The following ZNF566 variants were observed in gnomAD, a reference collection of about 807,000 sequenced individuals.
The protein encoded by ZNF566 is zinc finger protein 566.
A neutral mutation model predicts 32.8 loss-of-function variants in ZNF566; 27 were observed. That is an observed-to-expected ratio of 0.82 (90% confidence interval 0.61 to 1.14). The LOEUF (loss-of-function observed/expected upper bound fraction) is 1.14. Ranked by LOEUF, ZNF566 falls within the 50% of genes most tolerant of loss-of-function variation. ZNF566 has a pLI of 0.00. For synonymous variants in ZNF566, 154 were observed against 159.5 expected (o/e 0.97, Z 0.26); for missense variants, 402 against 490.4 (o/e 0.82, Z 1.70).
chr19:36,476,474 C>G, intron 2 of ZNF566, 75 bp downstream of exon 2: 1 of 1,391,364 alleles, frequency 7.2e-7, no homozygotes, highest in Non-Finnish European at 1.0e-6. Flanking sequence ...AAAGCATCAT[C>G]ATGAGGAAAG....
chr19:36,467,817 A>AAAAAAAAG (rs1568521874), intron 4 of ZNF566, among the ~76,000 whole-genome samples: 2 of 144,224 alleles, frequency 1.4e-5, no homozygotes, highest in Non-Finnish European at 3.0e-5. Context: ...AAAAAAAAAA[A>AAAAAAAAG]AAAAAAAGAA....
intron 1 of ZNF566, among the ~76,000 whole-genome samples, chr19:36,480,442 AC>A (rs1327549635): frequency 1.3e-5 from 2 of 151,044 alleles, no homozygotes; most frequent in African/African-American, 2.4e-5. Context: ...CTGCCACCAC[AC>A]CCGGCTAATT....
At chr19:36,464,502 T>G (rs1248769206) in intron 4 of ZNF566, among the ~76,000 whole-genome samples, 1 of 151,826 alleles carries the variant, frequency 6.6e-6, no homozygotes, top group African/African-American at 2.4e-5. Flanking sequence ...CATCTCATAC[T>G]ATTCATAAAA....
In ZNF566 at chr19:36,449,680, T is replaced by C; in HGVS notation, c.554A>G (p.Gln185Arg). 2 of 1,614,166 alleles carry C rather than the reference T, an allele frequency of 1.2e-6. No individual in the cohort carries two copies. The highest frequency in any genetic ancestry group is 1.1e-5 in the South Asian group (1 of 91,084). Residue 185 changes from glutamine (Q) to arginine (R), a missense_variant, in exon 5 of 5, where the codon CAG becomes CGG. Physicochemically the swap from Gln to Arg is conservative, Grantham distance 43. Around this residue, in one of 3 missense-constraint regions of ZNF566, gnomAD observed 220 missense variants for 241.9 expected, o/e 0.91. Transcript: ENST00000452939. Reference sequence around the variant, plus strand: ...ATGAATTATCTCATGTGTAGCAAACTGTGAGCCATGTCTAAAGGTTTTCCT... The same window carrying C: ...ATGAATTATCTCATGTGTAGCAAACCGTGAGCCATGTCTAAAGGTTTTCCT... Reference protein sequence around the residue: ...EYRKTFRHGSQFATHEIIHTI... With the variant: ...EYRKTFRHGSRFATHEIIHTI...
chr19:36,465,313 T>A (rs1312047029), intron 4 of ZNF566, among the ~76,000 whole-genome samples: 1 of 152,220 alleles, frequency 6.6e-6, no homozygotes, highest in East Asian at 1.9e-4. Flanking sequence ...CAGTTTGGCA[T>A]CACCTTGCAA....
rs1257466661 is a variant in ZNF566, at chr19:36,448,718, T to C, written c.*259A>G. 1 of 311,934 alleles carries C rather than the reference T, an allele frequency of 3.2e-6. No homozygotes were observed. The highest frequency in any genetic ancestry group is 5.8e-6 in the Non-Finnish European group (1 of 171,660). 19.3% of individuals were successfully genotyped at this position (311,934 alleles called of 1,614,324 possible). A position where few individuals can be genotyped will look rare whatever the true frequency, so the allele number is the denominator to read the frequency against. On this transcript the variant is annotated 3_prime_UTR_variant, in exon 5 of 5. Transcript: ENST00000452939. The stretch of plus-strand genomic sequence containing the variant: ...GTGTTAAAAGTGCTGTCATTTTCAG[T>C]ATGACAGACTGAATTATCTATCATA...
chr19:36,446,169 T>C lies in ZNF566; in HGVS notation c.*2808A>G, dbSNP rs961006736. On this transcript the variant is annotated 3_prime_UTR_variant, in exon 5 of 5. Transcript: ENST00000452939. The stretch of plus-strand genomic sequence containing the variant: ...GTTAATGTTTTAGCATGAAGAAATA[T>C]ATGGGTAATATACACAACCTTTAAA... 4 of 152,084 alleles carry C rather than the reference T, an allele frequency of 2.6e-5. No homozygotes were observed. Among genetic ancestry groups the C allele is most frequent in the African/African-American group, 4.8e-5 (2 of 41,414 alleles). The allele number at this position is 152,084 out of a possible 1,614,324, so 9.4% of individuals were successfully genotyped here. A position where few individuals can be genotyped will look rare whatever the true frequency, so the allele number is the denominator to read the frequency against.
intron 4 of ZNF566, among the ~76,000 whole-genome samples, chr19:36,459,819 CTTTT>C (rs77529506): frequency 2.2e-5 from 3 of 135,252 alleles, no homozygotes; most frequent in Admixed American, 7.6e-5. Context: ...CCACCTATTA[CTTTT>C]TTTTTTTTTT....
At chr19:36,483,505 TG>T (rs1005450536) in intron 1 of ZNF566, among the ~76,000 whole-genome samples, 1 of 151,916 alleles carries the variant, frequency 6.6e-6, no homozygotes, top group Non-Finnish European at 1.5e-5. Flanking sequence ...AAAGCGGGGT[TG>T]GGGGGAAGCT....
At chr19:36,458,218 G>A (rs1163398236) in intron 4 of ZNF566, among the ~76,000 whole-genome samples, 1 of 150,526 alleles carries the variant, frequency 6.6e-6, no homozygotes, top group Non-Finnish European at 1.5e-5. Flanking sequence ...TAAAGAAAAT[G>A]TGATGTGTGG....
intron 4 of ZNF566, among the ~76,000 whole-genome samples, chr19:36,462,817 C>T (rs1007613682): frequency 6.6e-6 from 1 of 151,384 alleles, no homozygotes; most frequent in South Asian, 2.1e-4. Context: ...ATTAGCCAGG[C>T]GTGGTGGGGG....
At chr19:36,457,253 T>C (rs1394765445) in intron 4 of ZNF566, among the ~76,000 whole-genome samples, 1 of 152,002 alleles carries the variant, frequency 6.6e-6, no homozygotes, top group Non-Finnish European at 1.5e-5. Flanking sequence ...CAACTCAAAA[T>C]GGATTAAAGA....
In ZNF566 at chr19:36,445,134, A is replaced by G. The variant is rs1479524495; in HGVS notation, c.*3843T>C. ...GAGTCAAAAATTCTCATGAAGAAACATCTTTATTTCCAAATAATAAACTAT... is the reference window on the plus strand; with the variant it reads ...GAGTCAAAAATTCTCATGAAGAAACGTCTTTATTTCCAAATAATAAACTAT... On this transcript the variant is annotated 3_prime_UTR_variant, in exon 5 of 5. Coordinates refer to ENST00000452939, the MANE Select transcript of ZNF566 (RefSeq NM_001145344.1). 2.6e-5 allele frequency: 4 copies of G among 152,160 alleles called. No individual in the cohort carries two copies. Among genetic ancestry groups the G allele is most frequent in the Non-Finnish European group, 5.9e-5 (4 of 68,030 alleles). The allele number at this position is 152,160 out of a possible 1,614,324, so 9.4% of individuals were successfully genotyped here. A position where few individuals can be genotyped will look rare whatever the true frequency, so the allele number is the denominator to read the frequency against.
intron 1 of ZNF566, among the ~76,000 whole-genome samples, chr19:36,479,639 TTG>T: frequency 6.6e-6 from 1 of 152,276 alleles, no homozygotes; most frequent in South Asian, 2.1e-4. Flanking sequence ...AACACAGTTT[TTG>T]TTTTTGTTTT....
chr19:36,489,495 A>C lies in ZNF566; in HGVS notation c.-69T>G. On this transcript the variant is annotated 5_prime_UTR_variant, in exon 1 of 5. Transcript: ENST00000452939. The stretch of plus-strand genomic sequence containing the variant: ...TCACCTCAGGCCTTACCAGCTTTCG[A>C]AGCAGCAGAACCCTCCCCGGCACTG... 1 of 336,212 alleles carries C rather than the reference A, an allele frequency of 3.0e-6. No individual in the cohort carries two copies. Among genetic ancestry groups the C allele is most frequent in the South Asian group, 2.3e-5 (1 of 43,470 alleles). The allele number at this position is 336,212 out of a possible 1,614,324, so 20.8% of individuals were successfully genotyped here.
chr19:36,488,430 G>C (rs1440988499), intron 1 of ZNF566, among the ~76,000 whole-genome samples: 1 of 152,112 alleles, frequency 6.6e-6, no homozygotes, highest in Non-Finnish European at 1.5e-5. Flanking sequence ...ACTATGCTTT[G>C]GTAGGGATAT....
intron 4 of ZNF566, among the ~76,000 whole-genome samples, 166 bp from the exon 5 acceptor site, chr19:36,450,167 C>T (rs943300754): frequency 6.6e-6 from 1 of 152,050 alleles, no homozygotes; most frequent in Non-Finnish European, 1.5e-5. Flanking sequence ...ATTAGGAAAA[C>T]AAAGTAAGTC....
chr19:36,485,041 A>C (rs1469026712), intron 1 of ZNF566, among the ~76,000 whole-genome samples: 1 of 152,154 alleles, frequency 6.6e-6, no homozygotes, highest in African/African-American at 2.4e-5. Context: ...TAATATATAT[A>C]TCTCCTGATA....
At chr19:36,484,587 C>CTT (rs34052223) in intron 1 of ZNF566, among the ~76,000 whole-genome samples, 11,171 of 111,846 alleles carry the variant, frequency 0.1, 1,099 homozygotes, top group Non-Finnish European at 0.14. Flanking sequence ...GGCATAGTTT[C>CTT]TTTTTTTTTT....
Sources: gnomAD v4.1 joint callset for allele counts (sites outside exome capture counted in the v4.1 genomes callset) on GRCh38, gnomAD v4.1.1 for gene constraint, gnomAD v4.1.1 regional missense constraint, MANE v1.5 for transcripts, NCBI Gene and HGNC (gene_info 2026-07-23, HGNC 2026-07-21) for gene names.